The following DOCK1 variants were observed in gnomAD, a reference collection of about 807,000 sequenced individuals.
The protein encoded by DOCK1 is dedicator of cytokinesis protein 1.
A neutral mutation model predicts 262.7 loss-of-function variants in DOCK1; 138 were observed. The observed-to-expected ratio is 0.53, with a 90% CI of 0.46 to 0.61. DOCK1 has a LOEUF of 0.61. Among genes scored for constraint, DOCK1 ranks in the 20% least tolerant of loss-of-function variants. The pLI is 0.00. For missense variants in DOCK1, 1,908 were observed against 2,370.7 expected (o/e 0.80, Z 4.05); for synonymous variants, 866 against 867.4 (o/e 1.00, Z 0.03).
chr10:127,073,013 A>G (rs2046320815), intron 23 of DOCK1, among the ~76,000 whole-genome samples: 1 of 152,222 alleles, frequency 6.6e-6, no homozygotes, highest in African/African-American at 2.4e-5. Context: ...TGAAGATACT[A>G]GGCCTGCAAA....
intron 28 of DOCK1, among the ~76,000 whole-genome samples, chr10:127,249,829 C>G (rs1285056066): frequency 3.3e-5 from 5 of 152,188 alleles, no homozygotes; most frequent in Non-Finnish European, 5.9e-5. Flanking sequence ...CCTTAAAGCT[C>G]TAGCAGTTTC....
At chr10:127,345,541 C>G (rs2063593731) in intron 31 of DOCK1, among the ~76,000 whole-genome samples, 1 of 152,236 alleles carries the variant, frequency 6.6e-6, no homozygotes, top group Non-Finnish European at 1.5e-5. Context: ...GCCTCCTCAG[C>G]TGGGTGATTC....
intron 27 of DOCK1, among the ~76,000 whole-genome samples, chr10:127,204,083 C>T (rs2057601866): frequency 6.6e-6 from 1 of 152,040 alleles, no homozygotes; most frequent in Non-Finnish European, 1.5e-5. Flanking sequence ...CTCCCTGGCA[C>T]CTTCTCCCCC....
rs2037395163 is a variant in DOCK1 at position 126,963,581 on chromosome 10, C to CCCT, written c.47-7121_47-7120insCCT. Reference sequence around the variant, plus strand: ...GCTTCCCTCCTCTCCCTCTCCTTCCCTCCCTTCCCTTCCCTTCCCTTCCCT... The same window carrying CCCT: ...GCTTCCCTCCTCTCCCTCTCCTTCCCCCTTCCCTTCCCTTCCCTTCCCTTCCCT... On this transcript the variant is annotated intron_variant, in intron 1 of 51. Transcript: ENST00000623213. Among the ~76,000 whole-genome samples, 13 of 67,922 alleles carry CCCT rather than the reference C, an allele frequency of 1.9e-4. No individual in the cohort carries two copies. In the East Asian group the frequency reaches 5.0e-3, roughly 26 times the overall value. 44.6% of individuals were successfully genotyped at this position (67,922 alleles called of 152,430 possible).
intron 29 of DOCK1, among the ~76,000 whole-genome samples, chr10:127,328,908 G>GT (rs1252492392): frequency 6.6e-6 from 1 of 151,142 alleles, no homozygotes; most frequent in Non-Finnish European, 1.5e-5. Flanking sequence ...TCCTTCTTGT[G>GT]TTTTTTCTTT....
At position 126,987,501 on chromosome 10, in the gene DOCK1, C is replaced by G. The variant is rs1167777957; in HGVS notation, c.228-20C>G. 1 of 1,563,388 alleles carries G rather than the reference C, an allele frequency of 6.4e-7. No individual in the cohort carries two copies. Among genetic ancestry groups the G allele is most frequent in the African/African-American group, 1.4e-5 (1 of 73,704 alleles). The stretch of plus-strand genomic sequence containing the variant: ...CAGTGAAACCGTGGACTCAGCTGCT[C>G]TTTCCTTCTTTCCTCCCAGGCAACA... On this transcript the variant is annotated intron_variant, in intron 4 of 51. Coordinates refer to ENST00000623213, the MANE Select transcript of DOCK1 (RefSeq NM_001290223.2).
chr10:126,921,514 A>G (rs780224870), intron 1 of DOCK1, among the ~76,000 whole-genome samples: 12 of 152,164 alleles, frequency 7.9e-5, no homozygotes, highest in Non-Finnish European at 1.5e-4. Flanking sequence ...GCAAATCTGT[A>G]GGCACAGAAA....
intron 27 of DOCK1, among the ~76,000 whole-genome samples, chr10:127,177,585 G>A (rs1056958216): frequency 5.3e-5 from 8 of 152,224 alleles, no homozygotes; most frequent in Non-Finnish European, 1.0e-4. Flanking sequence ...TGCCCAGAGA[G>A]GCAAGGTCAT....
intron 23 of DOCK1, among the ~76,000 whole-genome samples, chr10:127,081,007 G>A (rs2136009850): frequency 6.6e-6 from 1 of 152,186 alleles, no homozygotes; most frequent in East Asian, 1.9e-4. Flanking sequence ...AATTAATTAT[G>A]TCATCTCTAT....
At chr10:127,261,204 T>TGC (rs775625379) in intron 29 of DOCK1, among the ~76,000 whole-genome samples, 1 of 97,124 alleles carries the variant, frequency 1.0e-5, no homozygotes, top group Non-Finnish European at 2.2e-5. Flanking sequence ...TGTGTGTGTG[T>TGC]ACCTGCATGT....
intron 29 of DOCK1, among the ~76,000 whole-genome samples, chr10:127,300,925 C>T (rs573736853): frequency 4.6e-5 from 7 of 152,290 alleles, no homozygotes; most frequent in South Asian, 2.1e-4. Flanking sequence ...GGCCGGCAGC[C>T]GGGAGGGCTG....
At chr10:127,260,968 GGTGTGTGT>G (rs142673509) in intron 29 of DOCK1, among the ~76,000 whole-genome samples, 3 of 79,450 alleles carry the variant, frequency 3.8e-5, no homozygotes. Flanking sequence ...TGTGCATGTG[GGTGTGTGT>G]GTGTGTACCC....
At chr10:127,000,039 A>C (rs1403753461) in intron 9 of DOCK1, 133 bp from the exon 10 acceptor site, 1 of 1,019,410 alleles carries the variant, frequency 9.8e-7, no homozygotes, top group East Asian at 2.5e-5. Flanking sequence ...CCTTTTTGTC[A>C]TATGAATAAC....
At chr10:126,945,905 C>G (rs2035362004) in intron 1 of DOCK1, among the ~76,000 whole-genome samples, 1 of 152,142 alleles carries the variant, frequency 6.6e-6, no homozygotes, top group South Asian at 2.1e-4. Context: ...TGCCGCAGTG[C>G]TTTATTGAGC....
chr10:127,211,840 G>A (rs1034623945), intron 27 of DOCK1, among the ~76,000 whole-genome samples: 1 of 152,174 alleles, frequency 6.6e-6, no homozygotes, highest in African/African-American at 2.4e-5. Context: ...GCACACACCT[G>A]CCTTTCCCCG....
intron 25 of DOCK1, among the ~76,000 whole-genome samples, chr10:127,113,244 T>G (rs1421728394): frequency 6.6e-6 from 1 of 152,204 alleles, no homozygotes; most frequent in Non-Finnish European, 1.5e-5. Context: ...GAACTTGGTA[T>G]AACTGGATTT....
At chr10:127,008,389 C>T (rs763175649) in intron 10 of DOCK1, among the ~76,000 whole-genome samples, 6 of 152,212 alleles carry the variant, frequency 3.9e-5, no homozygotes, top group Admixed American at 6.5e-5. Context: ...TGAGCCACTG[C>T]GCCTGGCCTA....
chr10:126,941,143 C>T (rs1368335547), intron 1 of DOCK1, among the ~76,000 whole-genome samples: 32 of 152,200 alleles, frequency 2.1e-4, no homozygotes, highest in Admixed American at 1.6e-3. Context: ...GTTTATCTGC[C>T]GTGCAGTGTT....
At chr10:127,257,249 G>A (rs1462284029) in intron 28 of DOCK1, 86 bp from the exon 29 acceptor site, 4 of 1,053,434 alleles carry the variant, frequency 3.8e-6, no homozygotes, top group Admixed American at 4.2e-5. Flanking sequence ...TTTAAAATGG[G>A]GTATTTTATA....
Sources: allele counts gnomAD v4.1 joint callset (sites outside exome capture counted in the v4.1 genomes callset), GRCh38; gene constraint gnomAD v4.1.1; transcripts MANE v1.5; gene names NCBI Gene and HGNC (gene_info 2026-07-23, HGNC 2026-07-21).